The following HIVEP1 variants were observed in gnomAD, a reference collection of about 807,000 sequenced individuals.
HIVEP1 encodes the protein HIVEP zinc finger 1.
Under a neutral mutation model 180.0 loss-of-function variants are expected in HIVEP1, and 36 were observed. The ratio of observed to expected loss-of-function variants is 0.20; its 90% CI spans 0.15 to 0.26. The LOEUF (loss-of-function observed/expected upper bound fraction) is 0.26. Among genes scored for constraint, HIVEP1 ranks in the 10% least tolerant of loss-of-function variants. The pLI, the probability that HIVEP1 is intolerant of heterozygous loss-of-function variation, is 1.00. For missense variants in HIVEP1, 3,143 were observed against 3,268.7 expected (o/e 0.96, Z 0.94); for synonymous variants, 1,239 against 1,239.0 (o/e 1.00, Z 0.00).
intron 7 of HIVEP1, among the ~76,000 whole-genome samples, chr6:12,151,206 G>T (rs1259258282): frequency 1.3e-5 from 2 of 152,118 alleles, no homozygotes; most frequent in Admixed American, 1.3e-4. Context: ...AGAAAATAAA[G>T]GAATTAATCT....
intron 2 of HIVEP1, among the ~76,000 whole-genome samples, chr6:12,074,221 A>G (rs1306437765): frequency 6.6e-6 from 1 of 152,250 alleles, no homozygotes; most frequent in Non-Finnish European, 1.5e-5. Flanking sequence ...TGAGTGTCCT[A>G]TGCCAAGCAC....
Position 12,163,283 on chromosome 6 carries a change from A to T in HIVEP1, c.6979A>T (p.Ser2327Cys). ...AGGATTGCTCTCTCTTGTCATTTAG[A>T]GCCCATCATCTGTAAGACTTCCTCC... ...MAGKAVAITQ[S>C]PSSVRLPPAA... The change falls in exon 9 of 9, where the codon AGC (serine) becomes TGC (cysteine). Residue 2327 changes from serine to cysteine, a missense_variant and splice_region_variant. By Grantham distance (112) the Ser-to-Cys change is moderately radical (BLOSUM62 -1). Around this residue, in one of 12 missense-constraint regions of HIVEP1, gnomAD observed 595 missense variants for 602.2 expected, o/e 0.99. Transcript: ENST00000379388. 6.2e-7 allele frequency: 1 copy of T among 1,611,180 alleles called. No homozygotes were observed. Among genetic ancestry groups the T allele is most frequent in the Non-Finnish European group, 8.5e-7 (1 of 1,178,010 alleles).
In HIVEP1 at chr6:12,051,001, CATATATATATATATAT is replaced by C. The variant is rs1161977899; in HGVS notation, c.40+35348_40+35363del. 4.6e-3 allele frequency among the ~76,000 whole-genome samples: 356 copies of C among 77,634 alleles called. 12 individuals carry two copies. The South Asian group carries it at 0.088, about 19-fold the overall frequency. The allele number at this position is 77,634 out of a possible 152,430, so 50.9% of individuals were successfully genotyped here. A position where few individuals can be genotyped will look rare whatever the true frequency, so the allele number is the denominator to read the frequency against. On this transcript the variant is annotated intron_variant, in intron 2 of 8. Coordinates refer to ENST00000379388, the MANE Select transcript of HIVEP1 (RefSeq NM_002114.4). ...CATGTGTGTAGCAGATACACAAGTG[CATATATATATATATAT>C]ATATATATATATATGTATATTAAAA...
intron 2 of HIVEP1, among the ~76,000 whole-genome samples, chr6:12,025,377 G>T (rs1768511328): frequency 6.6e-6 from 1 of 152,046 alleles, no homozygotes; most frequent in Admixed American, 6.6e-5. Context: ...ATTATTCCAA[G>T]TTAGATTTGC....
intron 3 of HIVEP1, among the ~76,000 whole-genome samples, chr6:12,094,538 GATTTTT>G (rs1581669966): frequency 6.6e-6 from 1 of 151,750 alleles, no homozygotes; most frequent in East Asian, 1.9e-4. Context: ...ATCATAAATG[GATTTTT>G]ATTTTTATCA....
intron 2 of HIVEP1, among the ~76,000 whole-genome samples, chr6:12,081,167 TCC>T (rs1348896248): frequency 6.6e-6 from 1 of 152,156 alleles, no homozygotes; most frequent in Non-Finnish European, 1.5e-5. Context: ...AAACGTGGCA[TCC>T]CTTCTCCACT....
At chr6:12,070,423 C>T (rs1158492448) in intron 2 of HIVEP1, among the ~76,000 whole-genome samples, 6 of 152,094 alleles carry the variant, frequency 3.9e-5, no homozygotes, top group Non-Finnish European at 5.9e-5. Context: ...TGCGGTGGCT[C>T]ATGCCTGTAA....
intron 2 of HIVEP1, among the ~76,000 whole-genome samples, chr6:12,088,364 C>T (rs1773236855): frequency 6.6e-6 from 1 of 152,030 alleles, no homozygotes; most frequent in South Asian, 2.1e-4. Context: ...TTCCTTTTGC[C>T]ATTTTAATAA....
At chr6:12,153,549 A>G (rs1341667705) in intron 7 of HIVEP1, among the ~76,000 whole-genome samples, 2 of 142,626 alleles carry the variant, frequency 1.4e-5, no homozygotes, top group Non-Finnish European at 3.0e-5. Flanking sequence ...TAGTCATCAT[A>G]TGTACAATAG....
At chr6:12,033,066 C>G (rs1257523074) in intron 2 of HIVEP1, among the ~76,000 whole-genome samples, 1 of 152,178 alleles carries the variant, frequency 6.6e-6, no homozygotes, top group Non-Finnish European at 1.5e-5. Context: ...GATTTTTCGA[C>G]CCATACAACC....
rs137923845 is a variant in HIVEP1 at position 12,145,083 on chromosome 6, C to T, written c.6487+9191C>T. On this transcript the variant is annotated intron_variant, in intron 7 of 8. Coordinates refer to ENST00000379388, the MANE Select transcript of HIVEP1 (RefSeq NM_002114.4). ...GACACATGCACACGTATGTTTATTG[C>T]GGCACTATTAACAATAGCAAAGACT... Among the ~76,000 whole-genome samples the T allele has an allele frequency of 5.9e-3, 891 of 152,080 alleles. 6 individuals are homozygous for T. The highest frequency in any genetic ancestry group is 0.02 in the African/African-American group (850 of 41,496).
At chr6:12,018,747 G>T (rs975062931) in intron 2 of HIVEP1, among the ~76,000 whole-genome samples, 3 of 152,144 alleles carry the variant, frequency 2.0e-5, no homozygotes, top group African/African-American at 4.8e-5. Flanking sequence ...TTCATCCTGG[G>T]GTAGCAGGTT....
intron 7 of HIVEP1, among the ~76,000 whole-genome samples, chr6:12,159,819 A>G (rs560646672): frequency 8.5e-4 from 129 of 152,332 alleles, no homozygotes; most frequent in African/African-American, 3.1e-3. Flanking sequence ...TTCATCTTAG[A>G]GTTTTTTAAT....
At chr6:12,059,056 A>G (rs898278494) in intron 2 of HIVEP1, among the ~76,000 whole-genome samples, 2 of 152,014 alleles carry the variant, frequency 1.3e-5, no homozygotes, top group Non-Finnish European at 2.9e-5. Context: ...GGTTCAAGCA[A>G]TTCTCCTGCC....
intron 2 of HIVEP1, among the ~76,000 whole-genome samples, chr6:12,078,270 G>T (rs889556997): frequency 6.6e-6 from 1 of 152,074 alleles, no homozygotes; most frequent in African/African-American, 2.4e-5. Context: ...GAATAGTCTC[G>T]GTGGTCTGTG....
At chr6:12,027,344 G>A (rs1768652322) in intron 2 of HIVEP1, among the ~76,000 whole-genome samples, 1 of 152,156 alleles carries the variant, frequency 6.6e-6, no homozygotes, top group South Asian at 2.1e-4. Context: ...ATTCACATTT[G>A]GTTGGGAAGA....
chr6:12,067,802 A>G (rs1235007363), intron 2 of HIVEP1, among the ~76,000 whole-genome samples: 4 of 152,102 alleles, frequency 2.6e-5, no homozygotes, highest in South Asian at 2.1e-4. Flanking sequence ...GTATTAGGTT[A>G]TGTGGGGTAC....
At chr6:12,162,185 A>G (rs576974793) in intron 8 of HIVEP1, among the ~76,000 whole-genome samples, 2 of 148,654 alleles carry the variant, frequency 1.3e-5, no homozygotes, top group Non-Finnish European at 3.0e-5. Flanking sequence ...AAATACACCC[A>G]TTTATTTTTA....
At chr6:12,019,234 G>C (rs1365688185) in intron 2 of HIVEP1, among the ~76,000 whole-genome samples, 1 of 152,150 alleles carries the variant, frequency 6.6e-6, no homozygotes, top group African/African-American at 2.4e-5. Context: ...GGTCCCCATG[G>C]GAAACCCTGA....
Sources: gnomAD v4.1 joint callset for allele counts (sites outside exome capture counted in the v4.1 genomes callset) on GRCh38, gnomAD v4.1.1 for gene constraint, gnomAD v4.1.1 regional missense constraint, MANE v1.5 for transcripts, NCBI Gene and HGNC (gene_info 2026-07-23, HGNC 2026-07-21) for gene names.